Variants in C12orf56 observed in about 807,000 individuals in gnomAD.
C12orf56 encodes the protein chromosome 12 open reading frame 56.
C12orf56 carries 71 observed loss-of-function variants against 69.9 expected under a neutral mutation model. The ratio of observed to expected loss-of-function variants is 1.02; its 90% CI spans 0.84 to 1.24. The LOEUF (loss-of-function observed/expected upper bound fraction) is 1.24. Among genes scored for constraint, C12orf56 ranks in the 50% most tolerant of loss-of-function variants. The pLI, the probability that C12orf56 is intolerant of heterozygous loss-of-function variation, is 0.00. For missense variants in C12orf56, 732 were observed against 738.5 expected (o/e 0.99, Z 0.10); for synonymous variants, 276 against 274.1 (o/e 1.01, Z -0.07).
chr12:64,308,935 AGAAAGAAG>A (rs1191909485), intron 5 of C12orf56, among the ~76,000 whole-genome samples: 18 of 38,536 alleles, frequency 4.7e-4, no homozygotes, highest in East Asian at 2.8e-3. Context: ...AAAGAAAGAA[AGAAAGAAG>A]AAAGAAAGAA....
At chr12:64,313,830 G>A (rs990875853) in intron 4 of C12orf56, among the ~76,000 whole-genome samples, 4 of 151,388 alleles carry the variant, frequency 2.6e-5, no homozygotes, top group Admixed American at 6.6e-5. Context: ...GGATCACGAG[G>A]TCAGGAGTTC....
intron 2 of C12orf56, among the ~76,000 whole-genome samples, chr12:64,346,031 A>T (rs146924466): frequency 1.2e-3 from 181 of 152,328 alleles, no homozygotes; most frequent in Non-Finnish European, 9.0e-4. Context: ...AAAGAACTCC[A>T]TCCTTAATAT....
At chr12:64,355,102 A>AAC in intron 1 of C12orf56, among the ~76,000 whole-genome samples, 1 of 141,830 alleles carries the variant, frequency 7.1e-6, no homozygotes, top group African/African-American at 2.5e-5. Context: ...AAAAAAAAAA[A>AAC]GAGGTGCAGG....
chr12:64,335,592 G>A (rs1433789727), intron 2 of C12orf56, among the ~76,000 whole-genome samples: 7 of 152,094 alleles, frequency 4.6e-5, no homozygotes, highest in Non-Finnish European at 8.8e-5. Flanking sequence ...AGCACTTCAC[G>A]AGGCTGAGGC....
intron 5 of C12orf56, among the ~76,000 whole-genome samples, chr12:64,308,947 G>GAAAGAAAGAAAGAAAAA (rs1565749014): frequency 4.4e-5 from 3 of 67,680 alleles, no homozygotes; most frequent in African/African-American, 1.7e-4. Context: ...AAAGAAGAAA[G>GAAAGAAAGAAAGAAAAA]AAAGAAAGAA....
intron 11 of C12orf56, among the ~76,000 whole-genome samples, chr12:64,271,038 T>C (rs1454681526): frequency 6.6e-6 from 1 of 152,008 alleles, no homozygotes; most frequent in Non-Finnish European, 1.5e-5. Context: ...TGGTGGTGCA[T>C]GCCTGTAATC....
chr12:64,381,359 A>T (rs913664664), intron 1 of C12orf56, among the ~76,000 whole-genome samples: 1 of 152,184 alleles, frequency 6.6e-6, no homozygotes, highest in Admixed American at 6.5e-5. Flanking sequence ...CTCCTGGAGC[A>T]ATTTGAGGAG....
At chr12:64,310,685 A>G (rs930779601) in intron 5 of C12orf56, among the ~76,000 whole-genome samples, 1 of 151,216 alleles carries the variant, frequency 6.6e-6, no homozygotes, top group Non-Finnish European at 1.5e-5. Flanking sequence ...ATTATGTTTC[A>G]GTCATCTCAT....
chr12:64,383,211 G>A (rs1207203701), intron 1 of C12orf56, among the ~76,000 whole-genome samples: 8 of 151,858 alleles, frequency 5.3e-5, no homozygotes, highest in African/African-American at 1.9e-4. Context: ...CAGCTACTAA[G>A]GAGGCTGAGG....
At chr12:64,328,652 C>T (rs757481273) in intron 3 of C12orf56, among the ~76,000 whole-genome samples, 26 of 122,026 alleles carry the variant, frequency 2.1e-4, no homozygotes, top group Non-Finnish European at 3.9e-4. Context: ...TGCACTCCAG[C>T]CTGGGCGACA....
Position 64,267,103 on chromosome 12 carries a change from A to G in C12orf56, c.*80T>C. 9.2e-7 allele frequency: 1 copy of G among 1,088,860 alleles called. No individual in the cohort carries two copies. The highest frequency in any genetic ancestry group is 1.6e-5 in the African/African-American group (1 of 62,446). 67.4% of individuals were successfully genotyped at this position (1,088,860 alleles called of 1,614,324 possible). A position where few individuals can be genotyped will look rare whatever the true frequency, so the allele number is the denominator to read the frequency against. On this transcript the variant is annotated 3_prime_UTR_variant, in exon 13 of 13. Coordinates refer to ENST00000543942, the MANE Select transcript of C12orf56 (RefSeq NM_001170633.2). Reference sequence around the variant, plus strand: ...AGATAGCCAGATATTAAACAAATAAAAAAATGTTTCTCGTGAATATCAAGT... The same window carrying G: ...AGATAGCCAGATATTAAACAAATAAGAAAATGTTTCTCGTGAATATCAAGT...
At chr12:64,307,044 C>G (rs1478378478) in intron 5 of C12orf56, among the ~76,000 whole-genome samples, 2 of 152,132 alleles carry the variant, frequency 1.3e-5, no homozygotes, top group African/African-American at 4.8e-5. Context: ...AGTGGTAGAA[C>G]TCATCCTTCT....
intron 2 of C12orf56, among the ~76,000 whole-genome samples, chr12:64,347,864 T>C (rs1460845480): frequency 6.6e-6 from 1 of 152,222 alleles, no homozygotes; most frequent in Non-Finnish European, 1.5e-5. Flanking sequence ...TTGCCTAGCG[T>C]TAAAGGATTG....
chr12:64,388,790 G>A (rs2039827389), intron 1 of C12orf56, among the ~76,000 whole-genome samples: 2 of 152,206 alleles, frequency 1.3e-5, no homozygotes, highest in African/African-American at 4.8e-5. Context: ...CCTGGAGGCT[G>A]AGGCGGCAGT....
In C12orf56 at chr12:64,345,264, G is replaced by T. The variant is rs1037919315; in HGVS notation, c.415+7630C>A. Among the ~76,000 whole-genome samples the T allele has an allele frequency of 2.7e-5, 3 of 112,876 alleles. 1 individual carries two copies. The South Asian group carries it at 8.8e-4, about 33-fold the overall frequency. The allele number at this position is 112,876 out of a possible 152,430, so 74.1% of individuals were successfully genotyped here. A position where few individuals can be genotyped will look rare whatever the true frequency, so the allele number is the denominator to read the frequency against. On this transcript the variant is annotated intron_variant, in intron 2 of 12. Transcript: ENST00000543942. ...TATTTTGCCTGGCAACTGCCTCAGG[G>T]GAGGCCATCACTGTTGCCTCAGGGG...
At chr12:64,357,222 T>G (rs1278025996) in intron 1 of C12orf56, among the ~76,000 whole-genome samples, 1 of 152,150 alleles carries the variant, frequency 6.6e-6, no homozygotes, top group Non-Finnish European at 1.5e-5. Context: ...AAAGAGATGT[T>G]CAGTGTTCCT....
chr12:64,386,396 A>ATTT (rs1350884087), intron 1 of C12orf56, among the ~76,000 whole-genome samples: 2 of 66,776 alleles, frequency 3.0e-5, no homozygotes, highest in Admixed American at 3.5e-4. Context: ...ATATATATAT[A>ATTT]TATTTTTTTT....
At chr12:64,294,942 C>T (rs1312960676) in intron 6 of C12orf56, among the ~76,000 whole-genome samples, 1 of 151,622 alleles carries the variant, frequency 6.6e-6, no homozygotes, top group East Asian at 1.9e-4. Flanking sequence ...GCTCTGTCGC[C>T]CAGGCTGGAG....
intron 1 of C12orf56, among the ~76,000 whole-genome samples, chr12:64,378,968 T>C (rs1487877609): frequency 1.3e-5 from 2 of 151,646 alleles, no homozygotes; most frequent in Admixed American, 6.6e-5. Context: ...GGAGAATCAC[T>C]TGAACCCAGG....
Sources: gnomAD v4.1 joint callset for allele counts (sites outside exome capture counted in the v4.1 genomes callset) on GRCh38, gnomAD v4.1.1 for gene constraint, MANE v1.5 for transcripts, NCBI Gene and HGNC (gene_info 2026-07-23, HGNC 2026-07-21) for gene names.